Variants in BPIFB3 observed in about 807,000 individuals in gnomAD.
The protein encoded by BPIFB3 is BPI fold containing family B member 3.
BPIFB3 carries 49 observed loss-of-function variants against 53.1 expected under a neutral mutation model. That is an observed-to-expected ratio of 0.92 (90% confidence interval 0.73 to 1.17). BPIFB3 has a LOEUF of 1.17. Ranked by LOEUF, BPIFB3 falls within the 50% of genes most tolerant of loss-of-function variation. The pLI, the probability that BPIFB3 is intolerant of heterozygous loss-of-function variation, is 0.00. For synonymous variants in BPIFB3, 271 were observed against 269.6 expected, an observed-to-expected ratio of 1.01 and a Z score of -0.05; for missense variants, 628 against 592.5, an observed-to-expected ratio of 1.06 and a Z score of -0.62.
intron 3 of BPIFB3, among the ~76,000 whole-genome samples, 155 bp downstream of exon 4, chr20:33,059,637 T>G (rs567033506): frequency 4.6e-5 from 7 of 151,710 alleles, no homozygotes; most frequent in African/African-American, 1.7e-4. Context: ...AATCCTACTG[T>G]TTCCCCCCTG....
intron 10 of BPIFB3, 132 bp downstream of exon 11, chr20:33,069,105 C>T (rs979640242): frequency 1.2e-5 from 12 of 1,011,462 alleles, no homozygotes; most frequent in Non-Finnish European, 1.7e-5. Flanking sequence ...CAGGAAGCCC[C>T]CCGCCCCACA....
intron 9 of BPIFB3, among the ~76,000 whole-genome samples, chr20:33,067,660 C>T (rs1429734133): frequency 6.6e-6 from 1 of 152,154 alleles, no homozygotes; most frequent in Non-Finnish European, 1.5e-5. Flanking sequence ...AGAAGAACCT[C>T]CAGAGAGTAG....
chr20:33,064,343 G>A (rs1980575890), intron 6 of BPIFB3, 114 bp from the exon 8 acceptor site: 1 of 843,288 alleles, frequency 1.2e-6, no homozygotes, highest in South Asian at 1.6e-5. Context: ...GCAGCCAAGT[G>A]AATGCTTAGT....
rs779733042 is a variant in BPIFB3, at chr20:33,064,581, G to A, written c.744+33G>A. The A allele has an allele frequency of 3.1e-6, 5 of 1,612,786 alleles. No individual in the cohort carries two copies. The South Asian group carries it at 5.5e-5, about 18-fold the overall frequency. On this transcript the variant is annotated intron_variant, in intron 7 of 14. Transcript: ENST00000375494. ...ACCAGAGGGGCCTCTCCTCCTGCTGGGGGTGGCTAGATAGGGGATGCCGGA... is the reference window on the plus strand; with the variant it reads ...ACCAGAGGGGCCTCTCCTCCTGCTGAGGGTGGCTAGATAGGGGATGCCGGA...
At chr20:33,072,166 C>T (rs764502424) in exon 13 of BPIFB3, 86 of 1,614,118 alleles carry the variant, frequency 5.3e-5, no homozygotes, top group Non-Finnish European at 6.4e-5. Context: ...CAAAGCTTAA[C>T]GGTATGGCAG....
intron 4 of BPIFB3, 151 bp downstream of exon 5, chr20:33,060,182 C>A: frequency 3.8e-6 from 4 of 1,054,922 alleles, no homozygotes; most frequent in Non-Finnish European, 5.4e-6. Context: ...ACCCACTTCA[C>A]AGACCGACAG....
chr20:33,064,680 T>A, exon 8 of BPIFB3: 1 of 1,613,454 alleles, frequency 6.2e-7, no homozygotes. Flanking sequence ...TCGTGAAGAG[T>A]GTAGCTGGTG....
chr20:33,067,692 A>T lies in BPIFB3; in HGVS notation c.978+815A>T, dbSNP rs548587499. Among the ~76,000 whole-genome samples, 9 of 152,318 alleles carry T rather than the reference A, an allele frequency of 5.9e-5. No individual in the cohort carries two copies. The East Asian group carries it at 1.5e-3, about 26-fold the overall frequency. On this transcript the variant is annotated intron_variant, in intron 9 of 14. Transcript: ENST00000375494. Reference sequence around the variant, plus strand: ...GTAGGAGTGGAGAGGGACATGGGGCAAGTGGAGTTGGCTGGGGCAGGGGTA... The same window carrying T: ...GTAGGAGTGGAGAGGGACATGGGGCTAGTGGAGTTGGCTGGGGCAGGGGTA...
chr20:33,060,484 G>A (rs1302186641), intron 4 of BPIFB3, among the ~76,000 whole-genome samples: 2 of 152,220 alleles, frequency 1.3e-5, no homozygotes, highest in East Asian at 1.9e-4. Flanking sequence ...TTGATGATTC[G>A]GAAGGGGCTG....
chr20:33,058,976 G>A (rs1468676088), intron 2 of BPIFB3, among the ~76,000 whole-genome samples: 5 of 152,122 alleles, frequency 3.3e-5, no homozygotes, highest in Admixed American at 6.6e-5. Context: ...GAACCCACTC[G>A]GGTTGCATTT....
chr20:33,060,152 T>G, intron 4 of BPIFB3, 121 bp downstream of exon 5: 1 of 1,336,974 alleles, frequency 7.5e-7, no homozygotes. Flanking sequence ...GTCCTACCCC[T>G]GCTTGTCCCG....
chr20:33,060,687 A>C (rs2146383076), intron 4 of BPIFB3, among the ~76,000 whole-genome samples: 1 of 152,148 alleles, frequency 6.6e-6, no homozygotes, highest in South Asian at 2.1e-4. Context: ...CTTCTGCCTC[A>C]GCCTCCCAAG....
intron 4 of BPIFB3, among the ~76,000 whole-genome samples, chr20:33,061,366 TCA>T (rs1196552305): frequency 2.0e-5 from 3 of 151,722 alleles, no homozygotes; most frequent in Admixed American, 2.0e-4. Flanking sequence ...ATTCATTCAT[TCA>T]TTCATCTAAC....
chr20:33,060,160 C>G, intron 4 of BPIFB3, 129 bp downstream of exon 5: 1 of 1,287,542 alleles, frequency 7.8e-7, no homozygotes, highest in Non-Finnish European at 1.1e-6. Flanking sequence ...CCTGCTTGTC[C>G]CGCCGGTTTC....
At chr20:33,068,956 C>T (rs1419152416) in exon 10 of BPIFB3, 1 of 1,613,584 alleles carries the variant, frequency 6.2e-7, no homozygotes, top group African/African-American at 1.3e-5. Flanking sequence ...CCCTGAATCC[C>T]TCTTTGAGCT....
At chr20:33,061,588 C>T (rs1357008379) in intron 4 of BPIFB3, among the ~76,000 whole-genome samples, 180 bp from the exon 6 acceptor site, 2 of 152,174 alleles carry the variant, frequency 1.3e-5, no homozygotes, top group Non-Finnish European at 2.9e-5. Flanking sequence ...TGAAGCCATC[C>T]CCTGGGTCCC....
At chr20:33,064,965 G>A in intron 8 of BPIFB3, 120 bp downstream of exon 9, 2 of 1,127,928 alleles carry the variant, frequency 1.8e-6, no homozygotes, top group Non-Finnish European at 2.5e-6. Context: ...TAATAAAAGG[G>A]AGTTGAACAA....
At chr20:33,056,727 G>A (rs755011874) in intron 2 of BPIFB3, 29 bp downstream of exon 3, 23 of 1,528,582 alleles carry the variant, frequency 1.5e-5, no homozygotes, top group Non-Finnish European at 1.9e-5. Context: ...ATGCCCTACA[G>A]GAAGACTTGG....
chr20:33,056,296 C>A (rs1184169409), intron 1 of BPIFB3, among the ~76,000 whole-genome samples: 1 of 152,210 alleles, frequency 6.6e-6, no homozygotes. Flanking sequence ...ATGAGATTTG[C>A]TCATTCATTC....
Sources: gnomAD v4.1 joint callset for allele counts (sites outside exome capture counted in the v4.1 genomes callset) on GRCh38, gnomAD v4.1.1 for gene constraint, MANE v1.5 for transcripts, NCBI Gene and HGNC (gene_info 2026-07-23, HGNC 2026-07-21) for gene names.